The following SLC45A4 variants were observed in gnomAD, a reference collection of about 807,000 sequenced individuals.
SLC45A4 encodes the protein solute carrier family 45 member 4.
A neutral mutation model predicts 63.7 loss-of-function variants in SLC45A4; 32 were observed. The observed-to-expected ratio is 0.50, with a 90% CI of 0.38 to 0.67. The LOEUF (loss-of-function observed/expected upper bound fraction) is 0.67, where lower values mean the gene tolerates loss of function less well. Among genes scored for constraint, SLC45A4 ranks in the 30% least tolerant of loss-of-function variants. The pLI, the probability that SLC45A4 is intolerant of heterozygous loss-of-function variation, is 0.00. For synonymous variants in SLC45A4, 535 were observed against 510.0 expected, an observed-to-expected ratio of 1.05 and a Z score of -0.66; for missense variants, 1,027 against 1,157.7, an observed-to-expected ratio of 0.89 and a Z score of 1.64.
chr8:141,242,023 C>G (rs1827942907), intron 2 of SLC45A4, among the ~76,000 whole-genome samples: 1 of 152,236 alleles, frequency 6.6e-6, no homozygotes. Context: ...CAGAAAAGAG[C>G]AGGCAGCCCT....
At chr8:141,212,167 A>G in intron 8 of SLC45A4, 30 bp downstream of exon 8, 11 of 244,574 alleles carry the variant, frequency 4.5e-5, no homozygotes, top group Non-Finnish European at 6.5e-5. Flanking sequence ...CGCCCACTGG[A>G]ATGTGTGTAA....
At chr8:141,294,473 A>T (rs775268391) in intron 1 of SLC45A4, among the ~76,000 whole-genome samples, 43 of 152,202 alleles carry the variant, frequency 2.8e-4, no homozygotes, top group Non-Finnish European at 5.6e-4. Flanking sequence ...GCCAGTGGGG[A>T]CAAGGCTGGC....
At chr8:141,228,210 T>G (rs1179117867) in intron 2 of SLC45A4, 1 of 1,613,996 alleles carries the variant, frequency 6.2e-7, no homozygotes, top group African/African-American at 1.3e-5. Context: ...TTGACCTCAG[T>G]GGACTCACAA....
intron 1 of SLC45A4, among the ~76,000 whole-genome samples, chr8:141,286,090 C>T (rs1307844715): frequency 6.6e-6 from 1 of 152,246 alleles, no homozygotes; most frequent in Non-Finnish European, 1.5e-5. Context: ...CACACTGGCT[C>T]CCCTCCGCTG....
Position 141,218,242 on chromosome 8 carries a change from C to G in SLC45A4, c.1398G>C (p.Arg466=), listed in dbSNP as rs776385852. 4.4e-6 allele frequency: 7 copies of G among 1,601,788 alleles called. No homozygotes were observed. The African/African-American group carries it at 5.3e-5, about 12-fold the overall frequency. ...CGCTCTGGTTCCGGTGCCGGTGCTG[C>G]CGCTGCCGCTTCTGCATGTCGTACA... is the stretch of plus-strand genomic sequence containing the variant. The part of the protein sequence containing the change: ...SDLYDMQKRQ[R]QHRHRNQSGA... The change falls in exon 5 of 9, where the codon CGG becomes CGC. Residue 466 remains arginine, a synonymous_variant. Transcript: ENST00000517878.
At chr8:141,262,145 G>T (rs1829063670) in intron 1 of SLC45A4, among the ~76,000 whole-genome samples, 1 of 151,380 alleles carries the variant, frequency 6.6e-6, no homozygotes, top group African/African-American at 2.4e-5. Flanking sequence ...AAATGGTGCT[G>T]GGAAAACTGG....
intron 1 of SLC45A4, among the ~76,000 whole-genome samples, chr8:141,302,276 T>C (rs1830769631): frequency 6.6e-6 from 1 of 152,188 alleles, no homozygotes; most frequent in Non-Finnish European, 1.5e-5. Flanking sequence ...GTTTTTTAGA[T>C]GGAGACAGAG....
rs1408042651 is a variant in SLC45A4 at position 141,212,469 on chromosome 8, G to T, written c.2029C>A (p.Leu677Met). The part of the protein sequence containing the change: ...LSCQVYISQI[L>M]VASALGGVVD... ...ACGCCCCCAAGGGCAGAGGCCACCA[G>T]GATCTGCGAGATGTACACTTGGCAG... Residue 677 changes from leucine (L) to methionine (M), a missense_variant, in exon 8 of 9, where the codon CTG becomes ATG. Transcript: ENST00000517878. 1.9e-6 allele frequency: 3 copies of T among 1,613,922 alleles called. No homozygotes were observed. Among genetic ancestry groups the T allele is most frequent in the Non-Finnish European group, 1.7e-6 (2 of 1,180,024 alleles).
rs563245892 is a variant in SLC45A4 at position 141,218,860 on chromosome 8, C to G, written c.780G>C (p.Pro260=). The G allele has an allele frequency of 1.2e-6, 2 of 1,613,480 alleles. No homozygotes were observed. Among genetic ancestry groups the G allele is most frequent in the South Asian group, 2.2e-5 (2 of 91,082 alleles). Residue 260 remains proline, a synonymous_variant, in exon 5 of 9, where the codon CCG becomes CCC. Coordinates refer to ENST00000517878, the MANE Select transcript of SLC45A4 (RefSeq NM_001286646.2). Reference sequence around the variant, plus strand: ...GCTCCTCAGCGCTGCGCTCCTGCTGCGGGCTGTACTGCTCCTCGTCGATGC... The same window carrying G: ...GCTCCTCAGCGCTGCGCTCCTGCTGGGGGCTGTACTGCTCCTCGTCGATGC... ...LFSIDEEQYS[P]QQERSAEEPG...
chr8:141,212,497 C>T lies in SLC45A4; in HGVS notation c.2001G>A (p.Leu667=), dbSNP rs749469321. ...KRGFGIDCAI[L]SCQVYISQIL... ...TCTGCGAGATGTACACTTGGCAGGACAGGATGGCACAATCTATGCCAAACC... is the reference window on the plus strand; with the variant it reads ...TCTGCGAGATGTACACTTGGCAGGATAGGATGGCACAATCTATGCCAAACC... The change falls in exon 8 of 9, where the codon CTG becomes CTA. Residue 667 remains leucine, a synonymous_variant. Transcript: ENST00000517878. The T allele has an allele frequency of 3.7e-6, 6 of 1,613,804 alleles. No homozygotes were observed. Among genetic ancestry groups the T allele is most frequent in the Non-Finnish European group, 5.1e-6 (6 of 1,179,996 alleles).
At chr8:141,249,396 G>T (rs1237226217) in intron 2 of SLC45A4, among the ~76,000 whole-genome samples, 2 of 152,198 alleles carry the variant, frequency 1.3e-5, no homozygotes, top group African/African-American at 4.8e-5. Flanking sequence ...CACAGAAAAG[G>T]AGCAAAGAAA....
rs145558753 is a variant in SLC45A4, at chr8:141,260,745, C to A, written c.-400-6116G>T. Among the ~76,000 whole-genome samples the A allele has an allele frequency of 1.6e-3, 249 of 152,180 alleles. 7 individuals carry two copies. In the East Asian group the frequency reaches 0.037, roughly 23 times the overall value. ...GTGGCAATAATCAATAGCTTACCAA[C>A]CAAAAAAAGTCCAGGACCAGATGGA... On this transcript the variant is annotated intron_variant, in intron 1 of 8. Coordinates refer to ENST00000517878, the MANE Select transcript of SLC45A4 (RefSeq NM_001286646.2).
At chr8:141,285,875 C>A (rs1830124172) in intron 1 of SLC45A4, among the ~76,000 whole-genome samples, 1 of 152,202 alleles carries the variant, frequency 6.6e-6, no homozygotes, top group Non-Finnish European at 1.5e-5. Context: ...AGTAGGGCAC[C>A]CTCAAGACCT....
At chr8:141,221,028 T>TC (rs914401537) in intron 3 of SLC45A4, among the ~76,000 whole-genome samples, 5 of 152,310 alleles carry the variant, frequency 3.3e-5, no homozygotes, top group Non-Finnish European at 7.4e-5. Flanking sequence ...CTCCCTCAGC[T>TC]CCCTCCGCAT....
chr8:141,259,225 C>T (rs1418365340), intron 1 of SLC45A4, among the ~76,000 whole-genome samples: 3 of 152,246 alleles, frequency 2.0e-5, no homozygotes, highest in Non-Finnish European at 4.4e-5. Flanking sequence ...CGCATGGCCA[C>T]GGTCAGGGCA....
At chr8:141,304,391 T>C (rs1488754026) in intron 1 of SLC45A4, among the ~76,000 whole-genome samples, 13 of 152,064 alleles carry the variant, frequency 8.5e-5, no homozygotes. Context: ...AAACCCCATT[T>C]CTACTAAAAA....
At chr8:141,242,411 T>TA (rs1827958981) in intron 2 of SLC45A4, among the ~76,000 whole-genome samples, 1 of 152,246 alleles carries the variant, frequency 6.6e-6, no homozygotes, top group African/African-American at 2.4e-5. Context: ...CTCCTGGCTG[T>TA]GACAATTCTA....
chr8:141,245,431 C>G (rs1032707773), intron 2 of SLC45A4, among the ~76,000 whole-genome samples: 1 of 152,160 alleles, frequency 6.6e-6, no homozygotes, highest in Admixed American at 6.5e-5. Flanking sequence ...GTTAATTCAT[C>G]ACTCAACGAA....
intron 2 of SLC45A4, among the ~76,000 whole-genome samples, chr8:141,236,795 G>A (rs1827646492): frequency 6.6e-6 from 1 of 152,162 alleles, no homozygotes; most frequent in East Asian, 1.9e-4. Context: ...CATTTATGGA[G>A]TAATTCCCTT....
Sources: allele counts gnomAD v4.1 joint callset (sites outside exome capture counted in the v4.1 genomes callset), GRCh38; gene constraint gnomAD v4.1.1; transcripts MANE v1.5; gene names NCBI Gene and HGNC (gene_info 2026-07-23, HGNC 2026-07-21).